Variants in DCLK1 observed in about 807,000 individuals in gnomAD.
DCLK1 encodes serine/threonine-protein kinase DCLK1.
DCLK1 carries 16 observed loss-of-function variants against 86.2 expected under a neutral mutation model. That is an observed-to-expected ratio of 0.19 (90% confidence interval 0.13 to 0.28). DCLK1 has a LOEUF of 0.28. DCLK1 is among the 10% of genes least tolerant of loss of function. The probability of loss-of-function intolerance (pLI) is 1.00; values close to 1 mark genes in which losing one functional copy is unlikely to be tolerated. For synonymous variants in DCLK1, 369 were observed against 370.5 expected, an observed-to-expected ratio of 1.00 and a Z score of 0.05; for missense variants, 590 against 940.2, an observed-to-expected ratio of 0.63 and a Z score of 4.87.
At chr13:35,898,968 C>T (rs777008452) in intron 4 of DCLK1, among the ~76,000 whole-genome samples, 26 of 152,002 alleles carry the variant, frequency 1.7e-4, no homozygotes, top group African/African-American at 3.1e-4. Flanking sequence ...CTCAAACTCC[C>T]GGGCTCAAGT....
At chr13:36,083,032 T>G (rs1884472942) in intron 3 of DCLK1, among the ~76,000 whole-genome samples, 1 of 152,158 alleles carries the variant, frequency 6.6e-6, no homozygotes, top group African/African-American at 2.4e-5. Flanking sequence ...ATCTGAAATC[T>G]CATTTGAATT....
Position 35,793,357 on chromosome 13 carries a change from G to C in DCLK1, c.2058+9C>G. On this transcript the variant is annotated intron_variant, in intron 16 of 16. Coordinates refer to ENST00000360631, the MANE Select transcript of DCLK1 (RefSeq NM_001330071.2). ...AAAAAAGTTATAGGTGGATATTTCA[G>C]ATGCTTACTGCTATGACAGAAACTC... 1 of 1,599,258 alleles carries C rather than the reference G, an allele frequency of 6.3e-7. No individual in the cohort carries two copies. The highest frequency in any genetic ancestry group is 8.5e-7 in the Non-Finnish European group (1 of 1,173,580).
chr13:35,904,462 G>C (rs1473154404), intron 4 of DCLK1, among the ~76,000 whole-genome samples: 1 of 152,196 alleles, frequency 6.6e-6, no homozygotes, highest in Admixed American at 6.5e-5. Context: ...AAAGTGCTGA[G>C]ATTACAGGCA....
intron 4 of DCLK1, among the ~76,000 whole-genome samples, chr13:35,927,846 C>A (rs1876210341): frequency 6.6e-6 from 1 of 152,162 alleles, no homozygotes; most frequent in Non-Finnish European, 1.5e-5. Context: ...GACGTAATCA[C>A]CCATGCCTAC....
rs868047059 is a variant in DCLK1, at chr13:35,782,670, G to A, written c.2059-7971C>T. 4.6e-5 allele frequency among the ~76,000 whole-genome samples: 7 copies of A among 152,206 alleles called. No homozygotes were observed. The South Asian group carries it at 6.2e-4, about 14-fold the overall frequency. On this transcript the variant is annotated intron_variant, in intron 16 of 16. Transcript: ENST00000360631. ...TCAGTGAAAAAATGGTCCCTTCTTC[G>A]GAGAGTTCAATCATTTATTTGTTAA...
At position 35,953,697 on chromosome 13, in the gene DCLK1, G is replaced by T. The variant is rs1475768389; in HGVS notation, c.724-6240C>A. Among the ~76,000 whole-genome samples, 3 of 152,144 alleles carry T rather than the reference G, an allele frequency of 2.0e-5. No homozygotes were observed. The East Asian group carries it at 5.8e-4, about 29-fold the overall frequency. On this transcript the variant is annotated intron_variant, in intron 3 of 16. Transcript: ENST00000360631. ...AGAGATTCAAACAAAGGCAATAAAA[G>T]CATCTGCTGTTTACACATTTCCAAA...
chr13:35,812,226 G>A (rs1257142022), intron 11 of DCLK1, among the ~76,000 whole-genome samples: 1 of 152,152 alleles, frequency 6.6e-6, no homozygotes, highest in Non-Finnish European at 1.5e-5. Context: ...AGATGAAAGG[G>A]CGTTCAGAAT....
chr13:35,961,886 A>G (rs1251536580), intron 3 of DCLK1, among the ~76,000 whole-genome samples: 1 of 152,258 alleles, frequency 6.6e-6, no homozygotes, highest in Non-Finnish European at 1.5e-5. Flanking sequence ...AAGTGTAATC[A>G]GACATAAATA....
chr13:35,993,239 G>A (rs1032122928), intron 3 of DCLK1, among the ~76,000 whole-genome samples: 2 of 152,098 alleles, frequency 1.3e-5, no homozygotes, highest in Non-Finnish European at 2.9e-5. Context: ...AGCTTTCTCT[G>A]CTGTCCCTGC....
At chr13:36,056,660 A>C (rs111932263) in intron 3 of DCLK1, among the ~76,000 whole-genome samples, 3,284 of 150,330 alleles carry the variant, frequency 0.022, 126 homozygotes, top group African/African-American at 0.076. Context: ...GAGCACACAA[A>C]AAAAAAAATT....
intron 3 of DCLK1, among the ~76,000 whole-genome samples, chr13:36,014,172 C>A (rs531583745): frequency 1.3e-5 from 2 of 152,184 alleles, no homozygotes; most frequent in African/African-American, 4.8e-5. Context: ...CCGTCTTCTG[C>A]GTCGCTCACG....
chr13:36,037,192 A>G (rs1375120468), intron 3 of DCLK1, among the ~76,000 whole-genome samples: 1 of 152,160 alleles, frequency 6.6e-6, no homozygotes, highest in Non-Finnish European at 1.5e-5. Context: ...CTTTAAAAAA[A>G]AATGATCTCA....
rs116716750 is a variant in DCLK1 at position 35,836,261 on chromosome 13, C to T, written c.1121-120G>A. On this transcript the variant is annotated intron_variant, in intron 7 of 16. Coordinates refer to ENST00000360631, the MANE Select transcript of DCLK1 (RefSeq NM_001330071.2). ...GGATTCAGAATCAATATGTCATTCT[C>T]TGTACAGTGAGGCAACTGCCTCCCC... 2.0e-3 allele frequency: 1,723 copies of T among 877,220 alleles called. 19 individuals carry two copies. In the African/African-American group the frequency reaches 0.026, roughly 13 times the overall value. The allele number at this position is 877,220 out of a possible 1,614,324, so 54.3% of individuals were successfully genotyped here.
chr13:35,867,963 A>AAGAAAGAAAGAAAGAAAG (rs796441369), intron 5 of DCLK1, among the ~76,000 whole-genome samples: 1 of 135,156 alleles, frequency 7.4e-6, no homozygotes, highest in Non-Finnish European at 1.6e-5. Context: ...GAAAGAAAGA[A>AAGAAAGAAAGAAAGAAAG]AGAGAAAAAG....
intron 6 of DCLK1, chr13:35,849,090 A>G (rs1870419804): frequency 4.1e-6 from 4 of 985,296 alleles, no homozygotes; most frequent in African/African-American, 1.7e-5. Flanking sequence ...AACAGACAGC[A>G]TAATGAGGCA....
At chr13:35,809,126 GGGT>G in intron 12 of DCLK1, 31 bp from the exon 13 acceptor site, 3 of 1,589,484 alleles carry the variant, frequency 1.9e-6, no homozygotes, top group Non-Finnish European at 1.7e-6. Flanking sequence ...AGAGTTAGGA[GGGT>G]CAGGCTCGGA....
At chr13:36,070,942 G>A in intron 3 of DCLK1, among the ~76,000 whole-genome samples, 1 of 152,058 alleles carries the variant, frequency 6.6e-6, no homozygotes, top group Non-Finnish European at 1.5e-5. Context: ...ACCGCGCCCG[G>A]CCCCCATCTT....
intron 15 of DCLK1, 62 bp downstream of exon 15, chr13:35,805,637 C>G: frequency 6.6e-7 from 1 of 1,512,048 alleles, no homozygotes; most frequent in South Asian, 1.2e-5. Flanking sequence ...ATTAGAAAAT[C>G]TGCAACTGAT....
chr13:35,925,370 A>C, intron 4 of DCLK1, among the ~76,000 whole-genome samples: 1 of 152,232 alleles, frequency 6.6e-6, no homozygotes, highest in East Asian at 1.9e-4. Context: ...CAAACCAAAC[A>C]TGAGAAATTA....
Sources: allele counts gnomAD v4.1 joint callset (sites outside exome capture counted in the v4.1 genomes callset), GRCh38; gene constraint gnomAD v4.1.1; transcripts MANE v1.5; gene names NCBI Gene and HGNC (gene_info 2026-07-23, HGNC 2026-07-21).